The following NPLOC4 variants were observed in gnomAD, a reference collection of about 807,000 sequenced individuals.
NPLOC4 encodes NPL4 homolog, ubiquitin recognition factor.
A neutral mutation model predicts 80.6 loss-of-function variants in NPLOC4; 18 were observed. The ratio of observed to expected loss-of-function variants is 0.22; its 90% confidence interval spans 0.15 to 0.33. The LOEUF is 0.33. NPLOC4 is among the 10% of genes least tolerant of loss of function. The probability of loss-of-function intolerance (pLI) is 1.00; values close to 1 mark genes in which losing one functional copy is unlikely to be tolerated. For missense variants in NPLOC4, 540 were observed against 786.1 expected, an observed-to-expected ratio of 0.69 and a Z score of 3.74; for synonymous variants, 313 against 301.5, an observed-to-expected ratio of 1.04 and a Z score of -0.39.
chr17:81,589,129 G>C (rs1477974613), intron 11 of NPLOC4, 25 bp from the exon 12 acceptor site: 4 of 1,602,322 alleles, frequency 2.5e-6, no homozygotes, highest in African/African-American at 1.3e-5. Context: ...CCTTTAAAAA[G>C]AGTCTACCAA....
intron 10 of NPLOC4, 86 bp downstream of exon 10, chr17:81,597,159 C>A: frequency 2.3e-6 from 2 of 882,842 alleles, no homozygotes; most frequent in East Asian, 2.5e-5. Flanking sequence ...CTAGAACCAG[C>A]GGTGCAAAGA....
Position 81,629,117 on chromosome 17 carries a change from A to AT in NPLOC4, c.96+607dup, listed in dbSNP as rs575021628. Reference sequence around the variant, plus strand: ...ATGGTCTCAATCTCCTGACCTTGTGATCCGCCCGCCTCGGCCTCCCAAAGT... The same window carrying AT: ...ATGGTCTCAATCTCCTGACCTTGTGATTCCGCCCGCCTCGGCCTCCCAAAGT... On this transcript the variant is annotated intron_variant, in intron 2 of 16. Coordinates refer to ENST00000331134, the MANE Select transcript of NPLOC4 (RefSeq NM_017921.4). Among the ~76,000 whole-genome samples, 36 of 151,014 alleles carry AT rather than the reference A, an allele frequency of 2.4e-4. No homozygotes were observed. In the East Asian group the frequency reaches 5.4e-3, roughly 23 times the overall value.
intron 12 of NPLOC4, among the ~76,000 whole-genome samples, chr17:81,581,784 G>A (rs1055452602): frequency 6.6e-6 from 1 of 152,234 alleles, no homozygotes; most frequent in African/African-American, 2.4e-5. Context: ...AAGGACTGGA[G>A]GCTGTGTGAT....
At chr17:81,617,318 G>A (rs34705837) in intron 3 of NPLOC4, among the ~76,000 whole-genome samples, 1 of 152,166 alleles carries the variant, frequency 6.6e-6, no homozygotes, top group Non-Finnish European at 1.5e-5. Context: ...CTGTTGCCCA[G>A]CTGCAGTGCA....
chr17:81,571,693 C>T (rs2034164705), intron 13 of NPLOC4, among the ~76,000 whole-genome samples: 1 of 152,200 alleles, frequency 6.6e-6, no homozygotes, highest in Non-Finnish European at 1.5e-5. Flanking sequence ...AATGGGGGTT[C>T]GCTGCCTTCC....
At chr17:81,620,647 G>A (rs937918979) in intron 3 of NPLOC4, among the ~76,000 whole-genome samples, 13 of 152,198 alleles carry the variant, frequency 8.5e-5, no homozygotes, top group African/African-American at 3.1e-4. Flanking sequence ...GTTTTCTGAG[G>A]TGTTCAGTAC....
intron 7 of NPLOC4, among the ~76,000 whole-genome samples, chr17:81,606,253 AG>A (rs2035200974): frequency 6.6e-6 from 1 of 152,156 alleles, no homozygotes; most frequent in Non-Finnish European, 1.5e-5. Context: ...AAGGCGAGGC[AG>A]GCTACTCAGA....
intron 1 of NPLOC4, among the ~76,000 whole-genome samples, chr17:81,631,508 G>A (rs1227550988): frequency 1.4e-5 from 2 of 146,412 alleles, no homozygotes; most frequent in East Asian, 4.0e-4. Context: ...GAAGACTACT[G>A]GACAAAGGGC....
chr17:81,636,879 C>A, intron 1 of NPLOC4, 37 bp downstream of exon 1: 1 of 1,404,070 alleles, frequency 7.1e-7, no homozygotes, highest in Non-Finnish European at 9.3e-7. Flanking sequence ...GCTGCCTCAT[C>A]CCGGCGTCCC....
intron 13 of NPLOC4, among the ~76,000 whole-genome samples, chr17:81,571,383 C>T (rs1196472631): frequency 6.6e-6 from 1 of 152,178 alleles, no homozygotes; most frequent in African/African-American, 2.4e-5. Context: ...GTCTCCATGA[C>T]CATAAAATGC....
At chr17:81,604,415 G>A (rs2035143691) in intron 8 of NPLOC4, 133 bp downstream of exon 8, 1 of 722,548 alleles carries the variant, frequency 1.4e-6, no homozygotes. Context: ...CTCAGAAAAT[G>A]TTGTGCACGT....
At chr17:81,632,919 A>T (rs962963305) in intron 1 of NPLOC4, among the ~76,000 whole-genome samples, 1 of 152,144 alleles carries the variant, frequency 6.6e-6, no homozygotes, top group Non-Finnish European at 1.5e-5. Context: ...CTTTTAAGTC[A>T]GGAGATTGAG....
chr17:81,571,538 G>C (rs190966681), intron 13 of NPLOC4, among the ~76,000 whole-genome samples: 92 of 152,334 alleles, frequency 6.0e-4, no homozygotes, highest in African/African-American at 2.1e-3. Flanking sequence ...ACCCTGGACG[G>C]AGTGACCCAG....
chr17:81,566,100 G>A (rs2034004158), intron 15 of NPLOC4, among the ~76,000 whole-genome samples: 1 of 152,214 alleles, frequency 6.6e-6, no homozygotes. Flanking sequence ...TTCAGAGGCA[G>A]AGGCAGACAG....
At chr17:81,623,484 A>AG (rs1555688084) in intron 2 of NPLOC4, among the ~76,000 whole-genome samples, 4 of 145,898 alleles carry the variant, frequency 2.7e-5, no homozygotes, top group Non-Finnish European at 4.5e-5. Context: ...AAAAAAAAAA[A>AG]GCAAAACTCT....
chr17:81,559,023 T>C lies in NPLOC4; in HGVS notation c.*236A>G, dbSNP rs114821053. The C allele has an allele frequency of 1.5e-3, 777 of 521,470 alleles. 8 individuals are homozygous for C. Among genetic ancestry groups the C allele is most frequent in the African/African-American group, 0.014 (723 of 51,692 alleles). The allele number at this position is 521,470 out of a possible 1,614,324, so 32.3% of individuals were successfully genotyped here. On this transcript the variant is annotated 3_prime_UTR_variant, in exon 17 of 17. Coordinates refer to ENST00000331134, the MANE Select transcript of NPLOC4 (RefSeq NM_017921.4). ...AACAGGATTAGGCGTGAGGAGCCGC[T>C]CTGCGTTTCCAGTCTGGAGACTGCA...
At chr17:81,608,882 A>C in intron 5 of NPLOC4, 60 bp from the exon 6 acceptor site, 3 of 1,352,812 alleles carry the variant, frequency 2.2e-6, no homozygotes, top group Non-Finnish European at 3.1e-6. Context: ...CCAGGCGCTG[A>C]GCCTCTGCTA....
intron 12 of NPLOC4, among the ~76,000 whole-genome samples, chr17:81,585,796 G>A (rs1031879629): frequency 2.0e-5 from 3 of 151,862 alleles, no homozygotes; most frequent in Non-Finnish European, 2.9e-5. Context: ...AGACCAGCCT[G>A]GGCAACATGG....
chr17:81,565,653 G>A, intron 15 of NPLOC4, 46 bp from the exon 16 acceptor site: 2 of 1,398,304 alleles, frequency 1.4e-6, no homozygotes, highest in South Asian at 1.3e-5. Flanking sequence ...TGCCTAAGGT[G>A]AGCAGCTTCC....
Sources: allele counts gnomAD v4.1 joint callset (sites outside exome capture counted in the v4.1 genomes callset), GRCh38; gene constraint gnomAD v4.1.1; transcripts MANE v1.5; gene names NCBI Gene and HGNC (gene_info 2026-07-23, HGNC 2026-07-21).